The following CUL1 variants were observed in gnomAD, a reference collection of about 807,000 sequenced individuals.
CUL1 encodes cullin 1, also known as cullin-1.
A neutral mutation model predicts 118.0 loss-of-function variants in CUL1; 24 were observed. The observed-to-expected ratio is 0.20, with a 90% confidence interval of 0.15 to 0.29. The LOEUF is 0.29. CUL1 is among the 10% of genes least tolerant of loss of function. CUL1 has a pLI of 1.00. For synonymous variants in CUL1, 332 were observed against 340.4 expected (o/e 0.98, Z 0.27); for missense variants, 361 against 933.8 (o/e 0.39, Z 7.99).
At chr7:148,758,082 C>G (rs1799715976) in intron 4 of CUL1, among the ~76,000 whole-genome samples, 1 of 152,176 alleles carries the variant, frequency 6.6e-6, no homozygotes, top group Admixed American at 6.6e-5. Flanking sequence ...ATTCTCAGGC[C>G]TCATCCTAGA....
At chr7:148,753,953 G>T in intron 2 of CUL1, 23 bp from the exon 3 acceptor site, 2 of 1,556,136 alleles carry the variant, frequency 1.3e-6, no homozygotes, top group Non-Finnish European at 1.7e-6. Flanking sequence ...GATATATGTT[G>T]GTTTCCTTAA....
intron 1 of CUL1, among the ~76,000 whole-genome samples, chr7:148,705,460 G>A (rs1327801821): frequency 1.3e-5 from 2 of 152,184 alleles, no homozygotes; most frequent in African/African-American, 4.8e-5. Flanking sequence ...TAGTACAAAT[G>A]AGGAATACTG....
At chr7:148,759,762 G>T in intron 6 of CUL1, 124 bp downstream of exon 6, 2 of 486,020 alleles carry the variant, frequency 4.1e-6, no homozygotes, top group Non-Finnish European at 7.2e-6. Context: ...CATTTACGAA[G>T]GTACTTACAT....
intron 2 of CUL1, among the ~76,000 whole-genome samples, chr7:148,751,974 C>T (rs748701107): frequency 6.6e-6 from 1 of 151,984 alleles, no homozygotes; most frequent in Non-Finnish European, 1.5e-5. Flanking sequence ...ATTAGCCAGG[C>T]GTGGTGGCGC....
intron 2 of CUL1, among the ~76,000 whole-genome samples, chr7:148,733,587 G>A (rs139436809): frequency 2.0e-5 from 3 of 152,252 alleles, no homozygotes; most frequent in Non-Finnish European, 2.9e-5. Context: ...AGGCTTGCTC[G>A]CTGTGACATC....
Position 148,730,016 on chromosome 7 carries a change from T to A in CUL1, c.-107T>A. 1 of 1,232,954 alleles carries A rather than the reference T, an allele frequency of 8.1e-7. No individual in the cohort carries two copies. The highest frequency in any genetic ancestry group is 1.1e-6 in the Non-Finnish European group (1 of 893,656). The allele number at this position is 1,232,954 out of a possible 1,614,324, so 76.4% of individuals were successfully genotyped here. ...CATTTAAAGGACATCCTTTCTGAGC[T>A]GCTGTGAATAAATTTGGAATGGTAC... On this transcript the variant is annotated 5_prime_UTR_variant, in exon 2 of 22. Coordinates refer to ENST00000325222, the MANE Select transcript of CUL1 (RefSeq NM_003592.3).
At chr7:148,748,505 C>A (rs945360147) in intron 2 of CUL1, among the ~76,000 whole-genome samples, 74 of 152,310 alleles carry the variant, frequency 4.9e-4, no homozygotes, top group African/African-American at 1.7e-3. Flanking sequence ...TATTAGTTAA[C>A]ACTGCCTCAA....
intron 12 of CUL1, 121 bp from the exon 13 acceptor site, chr7:148,786,868 A>G (rs1800831907): frequency 2.2e-6 from 3 of 1,347,680 alleles, no homozygotes; most frequent in Non-Finnish European, 2.0e-6. Flanking sequence ...ACGTTGGCGT[A>G]CAGACCTGCC....
At chr7:148,721,020 A>C (rs1023346216) in intron 1 of CUL1, among the ~76,000 whole-genome samples, 1 of 152,210 alleles carries the variant, frequency 6.6e-6, no homozygotes, top group African/African-American at 2.4e-5. Flanking sequence ...TTTTCTTTTC[A>C]GGCATTCCAT....
rs927126089 is a variant in CUL1 at position 148,780,567 on chromosome 7, G to A, written c.1084-3216G>A. 2.0e-5 allele frequency among the ~76,000 whole-genome samples: 3 copies of A among 152,328 alleles called. No individual in the cohort carries two copies. In the East Asian group the frequency reaches 5.8e-4, roughly 29 times the overall value. The stretch of plus-strand genomic sequence containing the variant: ...AACACAGGACTGGGGAGCAGATCAG[G>A]CCATTCGTGACATAGGCTTTGGAAA... On this transcript the variant is annotated intron_variant, in intron 9 of 21. Transcript: ENST00000325222.
At chr7:148,730,769 CA>C (rs1396225849) in intron 2 of CUL1, among the ~76,000 whole-genome samples, 5 of 152,154 alleles carry the variant, frequency 3.3e-5, no homozygotes, top group African/African-American at 1.2e-4. Context: ...TTTACCTGAT[CA>C]AAAGGGATAG....
chr7:148,798,545 G>A (rs1235946356), intron 19 of CUL1, 27 bp from the exon 20 acceptor site: 1 of 1,540,898 alleles, frequency 6.5e-7, no homozygotes, highest in South Asian at 1.1e-5. Context: ...ATATAATAGT[G>A]ATCGGTTTCC....
At chr7:148,727,953 C>T (rs577422488) in intron 1 of CUL1, among the ~76,000 whole-genome samples, 45 of 152,234 alleles carry the variant, frequency 3.0e-4, no homozygotes, top group Non-Finnish European at 5.1e-4. Context: ...ATGACACCGT[C>T]TTAGGATGAC....
intron 1 of CUL1, among the ~76,000 whole-genome samples, chr7:148,709,249 G>A (rs983594745): frequency 2.6e-5 from 4 of 152,198 alleles, no homozygotes; most frequent in African/African-American, 9.7e-5. Context: ...CTGCGTATAT[G>A]CGCATACATA....
At chr7:148,792,151 A>C (rs1377574441) in intron 16 of CUL1, among the ~76,000 whole-genome samples, 1 of 151,348 alleles carries the variant, frequency 6.6e-6, no homozygotes, top group Non-Finnish European at 1.5e-5. Flanking sequence ...GTGCCACTGC[A>C]CTCCAGCCTG....
intron 2 of CUL1, among the ~76,000 whole-genome samples, chr7:148,732,777 T>C (rs1340798780): frequency 5.3e-5 from 8 of 152,208 alleles, no homozygotes; most frequent in Non-Finnish European, 1.5e-5. Context: ...ATTAAATTCG[T>C]ATAATTTGTA....
chr7:148,783,493 T>C, intron 9 of CUL1: 1 of 1,260,614 alleles, frequency 7.9e-7, no homozygotes, highest in Non-Finnish European at 1.0e-6. Context: ...ACTTGGAAAA[T>C]GCTGTTTTCA....
intron 20 of CUL1, 142 bp from the exon 21 acceptor site, chr7:148,799,133 A>C (rs1801306132): frequency 1.6e-6 from 1 of 616,724 alleles, no homozygotes; most frequent in African/African-American, 1.8e-5. Flanking sequence ...CTCCCGTCTC[A>C]CCTGCAGGAT....
intron 9 of CUL1, among the ~76,000 whole-genome samples, chr7:148,772,410 G>A (rs1274062253): frequency 7.5e-5 from 8 of 106,524 alleles, no homozygotes; most frequent in Non-Finnish European, 3.7e-5. Flanking sequence ...GAGAGACTCC[G>A]TCTCAAAAAA....
Sources: gnomAD v4.1 joint callset for allele counts (sites outside exome capture counted in the v4.1 genomes callset) on GRCh38, gnomAD v4.1.1 for gene constraint, MANE v1.5 for transcripts, NCBI Gene and HGNC (gene_info 2026-07-23, HGNC 2026-07-21) for gene names.